The following GPR15LG variants were observed in gnomAD, a reference collection of about 807,000 sequenced individuals.
GPR15LG encodes the protein protein GPR15LG.
At chr10:84,178,293 A>G in the GPR15LG span, among the ~76,000 whole-genome samples, 9 of 151,796 alleles carry the variant, frequency 5.9e-5, no homozygotes, top group Non-Finnish European at 1.2e-4. Flanking sequence ...CACACACTAT[A>G]CACACAAACA....
At chr10:84,178,521 GACAC>G in the GPR15LG span, among the ~76,000 whole-genome samples, 2 of 149,850 alleles carry the variant, frequency 1.3e-5, no homozygotes, top group African/African-American at 4.9e-5. Flanking sequence ...TGCACACACA[GACAC>G]ACACCACAAT....
At chr10:84,183,786 C>T in the GPR15LG span, among the ~76,000 whole-genome samples, 1 of 152,074 alleles carries the variant, frequency 6.6e-6, no homozygotes, top group South Asian at 2.1e-4. Flanking sequence ...GCTAGGACCA[C>T]AGGCGTGCGC....
At chr10:84,181,920 G>T in the GPR15LG span, among the ~76,000 whole-genome samples, 1 of 152,200 alleles carries the variant, frequency 6.6e-6, no homozygotes, top group African/African-American at 2.4e-5. Flanking sequence ...GCATCCTGGG[G>T]CCACGGTGAA....
chr10:84,174,487 CTTTTTTCT>C, the GPR15LG span, among the ~76,000 whole-genome samples: 4 of 108,852 alleles, frequency 3.7e-5, no homozygotes, highest in African/African-American at 1.3e-4. Flanking sequence ...GCCCTTTTTT[CTTTTTTCT>C]TTTTTTTTTT....
chr10:84,184,587 C>T, the GPR15LG span: 8 of 1,257,748 alleles, frequency 6.4e-6, no homozygotes, highest in South Asian at 1.0e-4. Context: ...GAAAATGCAA[C>T]TTAATTGTGT....
At chr10:84,174,315 G>A in the GPR15LG span, among the ~76,000 whole-genome samples, 1 of 152,076 alleles carries the variant, frequency 6.6e-6, no homozygotes, top group Admixed American at 6.5e-5. Context: ...ACATTAATTA[G>A]TAGACCATCT....
At chr10:84,174,129 G>C in the GPR15LG span, among the ~76,000 whole-genome samples, 76 of 152,256 alleles carry the variant, frequency 5.0e-4, no homozygotes, top group African/African-American at 1.8e-3. Context: ...CACAGCCCCT[G>C]CACCCCCAAA....
the GPR15LG span, among the ~76,000 whole-genome samples, chr10:84,176,908 G>A: frequency 1.3e-5 from 2 of 152,174 alleles, no homozygotes; most frequent in Non-Finnish European, 2.9e-5. Flanking sequence ...TGGAGGTGGG[G>A]GATGCAGGCA....
At chr10:84,178,794 C>G in the GPR15LG span, among the ~76,000 whole-genome samples, 1 of 152,060 alleles carries the variant, frequency 6.6e-6, no homozygotes, top group Non-Finnish European at 1.5e-5. Flanking sequence ...GGATTTCTTT[C>G]TGTGTGTATA....
chr10:84,183,673 G>A, the GPR15LG span, among the ~76,000 whole-genome samples: 1 of 151,114 alleles, frequency 6.6e-6, no homozygotes, highest in Non-Finnish European at 1.5e-5. Context: ...TTGAGACAAG[G>A]TTTCACTTTG....
At chr10:84,173,851 C>G in the GPR15LG span, 2 of 1,611,854 alleles carry the variant, frequency 1.2e-6, no homozygotes, top group Non-Finnish European at 1.7e-6. Context: ...GCCTTCTCAC[C>G]ATGAGGCTTC....
the GPR15LG span, among the ~76,000 whole-genome samples, chr10:84,180,966 A>G: frequency 6.6e-6 from 1 of 152,242 alleles, no homozygotes; most frequent in African/African-American, 2.4e-5. Context: ...CGCGCCTGCA[A>G]TCCCAGGCAC....
the GPR15LG span, among the ~76,000 whole-genome samples, chr10:84,178,929 G>A: frequency 1.5e-3 from 225 of 152,276 alleles, no homozygotes; most frequent in African/African-American, 5.1e-3. Context: ...GGGAGGTCTC[G>A]TCACCATTAT....
At chr10:84,184,577 G>C in the GPR15LG span, 2 of 1,192,858 alleles carry the variant, frequency 1.7e-6, no homozygotes, top group Admixed American at 3.8e-5. Flanking sequence ...AAATGTGTTT[G>C]AAAATGCAAC....
At chr10:84,184,098 T>C in the GPR15LG span, among the ~76,000 whole-genome samples, 1 of 150,822 alleles carries the variant, frequency 6.6e-6, no homozygotes. Flanking sequence ...GGCAGGAGGA[T>C]AGCTTGAGGC....
chr10:84,181,186 GGAGGGAGAGGGA>G, the GPR15LG span, among the ~76,000 whole-genome samples: 12,897 of 113,704 alleles, frequency 0.11, 917 homozygotes, highest in African/African-American at 0.19. Flanking sequence ...CGTGCAAAGA[GGAGGGAGAGGGA>G]GAGGGAGAGG....
chr10:84,184,018 C>A, the GPR15LG span, among the ~76,000 whole-genome samples: 1 of 151,102 alleles, frequency 6.6e-6, no homozygotes, highest in South Asian at 2.1e-4. Context: ...TTTTTTTCTG[C>A]AATTAAAAAC....
the GPR15LG span, among the ~76,000 whole-genome samples, chr10:84,180,105 G>T: frequency 6.6e-6 from 1 of 152,170 alleles, no homozygotes; most frequent in African/African-American, 2.4e-5. Flanking sequence ...CTGCCTTCAA[G>T]CATCTGTTTA....
the GPR15LG span, among the ~76,000 whole-genome samples, chr10:84,174,755 G>T: frequency 6.6e-6 from 1 of 152,232 alleles, no homozygotes; most frequent in Admixed American, 6.5e-5. Context: ...CTCCCAAAGT[G>T]CTGGGATTAC....
Sources: allele counts gnomAD v4.1 joint callset (sites outside exome capture counted in the v4.1 genomes callset), GRCh38; gene constraint gnomAD v4.1.1; transcripts MANE v1.5; gene names NCBI Gene and HGNC (gene_info 2026-07-23, HGNC 2026-07-21).